FSTL4: variants seen among roughly 807,000 people sequenced by gnomAD.
FSTL4 encodes the protein follistatin-related protein 4.
A neutral mutation model predicts 78.2 loss-of-function variants in FSTL4; 28 were observed. The ratio of observed to expected loss-of-function variants is 0.36; its 90% CI spans 0.27 to 0.49. FSTL4 has a LOEUF of 0.49. FSTL4 is among the 20% of genes least tolerant of loss of function. The probability of loss-of-function intolerance (pLI) is 0.98; values close to 1 mark genes in which losing one functional copy is unlikely to be tolerated. For synonymous variants in FSTL4, 422 were observed against 440.5 expected (o/e 0.96, Z 0.53); for missense variants, 922 against 1,084.9 (o/e 0.85, Z 2.11).
Position 133,599,978 on chromosome 5 carries a change from T to C in FSTL4, c.126+3880A>G, listed in dbSNP as rs540521025. Among the ~76,000 whole-genome samples the C allele has an allele frequency of 5.8e-4, 88 of 152,280 alleles. 1 individual carries two copies. The highest frequency in any genetic ancestry group is 7.2e-4 in the Non-Finnish European group (49 of 68,018). On this transcript the variant is annotated intron_variant, in intron 2 of 15. Coordinates refer to ENST00000265342, the MANE Select transcript of FSTL4 (RefSeq NM_015082.2). ...TCTCACCCCTTCCTGGTTCCTTGGT[T>C]CCCCCTCAAATACAGAATTCTATCA...
intron 3 of FSTL4, among the ~76,000 whole-genome samples, chr5:133,424,024 C>T (rs1289280037): frequency 6.6e-6 from 1 of 152,116 alleles, no homozygotes; most frequent in Non-Finnish European, 1.5e-5. Context: ...CAAAGGGCAC[C>T]CGCAGACCAG....
intron 3 of FSTL4, among the ~76,000 whole-genome samples, chr5:133,417,390 A>G (rs1177037245): frequency 1.3e-5 from 2 of 152,200 alleles, no homozygotes; most frequent in Non-Finnish European, 2.9e-5. Context: ...CTGTGGGACA[A>G]TAAGAATAGG....
chr5:133,393,042 C>T (rs1389800414), intron 4 of FSTL4, among the ~76,000 whole-genome samples: 3 of 152,144 alleles, frequency 2.0e-5, no homozygotes, highest in African/African-American at 7.2e-5. Flanking sequence ...ATCCAAAGAA[C>T]ACACATATTT....
At chr5:133,614,069 C>G (rs540295921), upstream of FSTL4, among the ~76,000 whole-genome samples, 1 of 152,240 alleles carries the variant, frequency 6.6e-6, no homozygotes, top group African/African-American at 2.4e-5. Context: ...GCTGTGCCTC[C>G]CTCTGAAATG....
At chr5:133,575,969 C>T (rs142971287) in intron 2 of FSTL4, among the ~76,000 whole-genome samples, 59 of 152,296 alleles carry the variant, frequency 3.9e-4, no homozygotes, top group African/African-American at 1.3e-3. Flanking sequence ...AATACAACAG[C>T]TTTATTCCTC....
chr5:133,546,962 T>C (rs1292975900), intron 3 of FSTL4, among the ~76,000 whole-genome samples: 1 of 152,134 alleles, frequency 6.6e-6, no homozygotes, highest in East Asian at 1.9e-4. Flanking sequence ...AAGGATATTG[T>C]GAACACCCTG....
chr5:133,677,136 G>T, the FSTL4 span, among the ~76,000 whole-genome samples: 1 of 152,214 alleles, frequency 6.6e-6, no homozygotes, highest in Non-Finnish European at 1.5e-5. Context: ...GACAAATTGT[G>T]CCTCTGCCTC....
rs564849678 is a variant in FSTL4, at chr5:133,530,717, C to G, written c.160+36469G>C. Among the ~76,000 whole-genome samples, 188 of 152,280 alleles carry G rather than the reference C, an allele frequency of 1.2e-3. 1 individual carries two copies. Among genetic ancestry groups the G allele is most frequent in the African/African-American group, 4.2e-3 (174 of 41,552 alleles). On this transcript the variant is annotated intron_variant, in intron 3 of 15. Coordinates refer to ENST00000265342, the MANE Select transcript of FSTL4 (RefSeq NM_015082.2). ...GGACCTATGGCCAGGGACCCTGCCC[C>G]GACAACAGGGACCCTTCACCATGGA...
chr5:133,503,685 A>G (rs1170854170), intron 3 of FSTL4, among the ~76,000 whole-genome samples: 1 of 152,202 alleles, frequency 6.6e-6, no homozygotes, highest in Admixed American at 6.5e-5. Flanking sequence ...GATGACTCCC[A>G]AATCTCCATA....
chr5:133,525,213 C>T (rs529510944), intron 3 of FSTL4, among the ~76,000 whole-genome samples: 36 of 152,276 alleles, frequency 2.4e-4, no homozygotes, highest in African/African-American at 7.5e-4. Flanking sequence ...CATGTGAATT[C>T]GCTTATCACG....
the FSTL4 span, among the ~76,000 whole-genome samples, chr5:133,687,724 G>A: frequency 1.3e-5 from 2 of 152,220 alleles, 1 homozygote; most frequent in Admixed American, 1.3e-4. Flanking sequence ...TATAATTGAT[G>A]ATCTAGATGT....
chr5:133,835,960 T>C, the FSTL4 span, among the ~76,000 whole-genome samples: 7 of 152,240 alleles, frequency 4.6e-5, no homozygotes, highest in Admixed American at 2.0e-4. Flanking sequence ...GAAATGATTA[T>C]TTTTATCTCT....
intron 4 of FSTL4, among the ~76,000 whole-genome samples, chr5:133,376,639 C>T (rs887303528): frequency 9.2e-5 from 14 of 152,148 alleles, no homozygotes; most frequent in African/African-American, 3.1e-4. Context: ...TCAAGAAAAT[C>T]TACTTTTGGG....
rs1002484005 is a variant in FSTL4, at chr5:133,265,833, A to T, written c.728-16257T>A. On this transcript the variant is annotated intron_variant, in intron 6 of 15. Coordinates refer to ENST00000265342, the MANE Select transcript of FSTL4 (RefSeq NM_015082.2). ...GGGATGTGAAAGCGGAGACCCAGAG[A>T]GGTACTGTGGTACTGTGGACACTAG... Among the ~76,000 whole-genome samples, 46 of 152,098 alleles carry T rather than the reference A, an allele frequency of 3.0e-4. 1 individual carries two copies. Among genetic ancestry groups the T allele is most frequent in the Non-Finnish European group, 1.2e-4 (8 of 68,006 alleles).
At chr5:133,454,237 G>A (rs1271276226) in intron 3 of FSTL4, among the ~76,000 whole-genome samples, 2 of 152,150 alleles carry the variant, frequency 1.3e-5, no homozygotes, top group East Asian at 3.8e-4. Flanking sequence ...TGTTGAAATT[G>A]GTTTTGCAAT....
chr5:133,768,475 A>C, the FSTL4 span, among the ~76,000 whole-genome samples: 134,943 of 151,874 alleles, frequency 0.89, 60,166 homozygotes, highest in African/African-American at 0.97. Flanking sequence ...AGTAGCCACA[A>C]TGAACACTCA....
Position 133,361,414 on chromosome 5 carries a change from CA to C in FSTL4, c.409+39323del, listed in dbSNP as rs1477183257. Among the ~76,000 whole-genome samples, 1 of 152,226 alleles carries C rather than the reference CA, an allele frequency of 6.6e-6. No homozygotes were observed. The highest frequency in any genetic ancestry group is 1.5e-5 in the Non-Finnish European group (1 of 68,038). Reference sequence around the variant, plus strand: ...TTTCTGTCATCTGCAGTTTCTTCTACAACAGCAGCAGGCCCTCTCTTGCTCT... The same window carrying C: ...TTTCTGTCATCTGCAGTTTCTTCTACACAGCAGCAGGCCCTCTCTTGCTCT... On this transcript the variant is annotated intron_variant, in intron 4 of 15. Coordinates refer to ENST00000265342, the MANE Select transcript of FSTL4 (RefSeq NM_015082.2). This position sits in a 1 kb window ranked among gnomAD's most constrained non-coding sequence, Gnocchi z 4.3.
rs566493799 is a variant in FSTL4 at position 133,504,793 on chromosome 5, A to G, written c.160+62393T>C. On this transcript the variant is annotated intron_variant, in intron 3 of 15. Coordinates refer to ENST00000265342, the MANE Select transcript of FSTL4 (RefSeq NM_015082.2). The stretch of plus-strand genomic sequence containing the variant: ...CCACTTCCTCAGGGAAGCCTTCCTG[A>G]TTTCCCCAGACTAGTCAGGTGCCCA... Among the ~76,000 whole-genome samples the G allele has an allele frequency of 2.1e-4, 32 of 152,276 alleles. 2 individuals are homozygous for G. Among genetic ancestry groups the G allele is most frequent in the Admixed American group, 2.0e-4 (3 of 15,292 alleles).
the FSTL4 span, among the ~76,000 whole-genome samples, chr5:133,683,831 G>C: frequency 1.3e-5 from 2 of 152,198 alleles, no homozygotes; most frequent in Non-Finnish European, 2.9e-5. Context: ...CTTCAGAACT[G>C]GACTTGGGCT....
Sources: gnomAD v4.1 joint callset for allele counts (sites outside exome capture counted in the v4.1 genomes callset) on GRCh38, gnomAD v4.1.1 for gene constraint, Gnocchi (gnomAD v3.1) non-coding constraint, MANE v1.5 for transcripts, NCBI Gene and HGNC (gene_info 2026-07-23, HGNC 2026-07-21) for gene names.